The following SZT2 variants were observed in gnomAD, a reference collection of about 807,000 sequenced individuals.
SZT2 encodes the protein KICSTOR complex protein SZT2.
In SZT2, 216 loss-of-function variants were observed where a neutral mutation model predicts 404.2. That is an observed-to-expected ratio of 0.53 (90% CI 0.48 to 0.60). The LOEUF (loss-of-function observed/expected upper bound fraction) is 0.60, where lower values mean the gene tolerates loss of function less well. Ranked by LOEUF, SZT2 falls within the 20% of genes least tolerant of loss-of-function variation. The probability of loss-of-function intolerance (pLI) is 0.00; values close to 1 mark genes in which losing one functional copy is unlikely to be tolerated. For missense variants in SZT2, 3,857 were observed against 4,459.2 expected (o/e 0.86, Z 3.85); for synonymous variants, 1,693 against 1,749.9 (o/e 0.97, Z 0.81).
rs747180119 is a variant in SZT2, at chr1:43,427,811, C to T, written c.3803+77C>T. The T allele has an allele frequency of 6.3e-5, 96 of 1,519,326 alleles. No individual in the cohort carries two copies. In the African/African-American group the frequency reaches 1.1e-3, roughly 17 times the overall value. The allele number at this position is 1,519,326 out of a possible 1,614,324, so 94.1% of individuals were successfully genotyped here. On this transcript the variant is annotated intron_variant, in intron 26 of 71. Transcript: ENST00000634258. Reference sequence around the variant, plus strand: ...CAAGAAATAAGTACACACTAATAGGCGTGGGCAGGTAAGTTGCTGCCATAT... The same window carrying T: ...CAAGAAATAAGTACACACTAATAGGTGTGGGCAGGTAAGTTGCTGCCATAT...
intron 28 of SZT2, 189 bp from the exon 29 acceptor site, chr1:43,429,514 A>C (rs1392532036): frequency 3.2e-6 from 2 of 624,680 alleles, no homozygotes; most frequent in Non-Finnish European, 5.5e-6. Context: ...AAAAAAGAAA[A>C]AGAAATATGG....
chr1:43,402,016 C>T (rs1283599986), intron 1 of SZT2, among the ~76,000 whole-genome samples: 1 of 152,086 alleles, frequency 6.6e-6, no homozygotes, highest in Non-Finnish European at 1.5e-5. Flanking sequence ...ATTGGTTTTC[C>T]AGGGCTTTTT....
At chr1:43,398,808 G>A (rs374217882) in intron 1 of SZT2, among the ~76,000 whole-genome samples, 2 of 152,254 alleles carry the variant, frequency 1.3e-5, no homozygotes, top group South Asian at 2.1e-4. Context: ...TAGGTTGGGT[G>A]CGGTGGCTCA....
At chr1:43,415,642 T>C (rs986341943) in intron 5 of SZT2, among the ~76,000 whole-genome samples, 5 of 152,156 alleles carry the variant, frequency 3.3e-5, no homozygotes. Flanking sequence ...TGTAATTTGA[T>C]TGAGGTATAA....
chr1:43,443,113 G>A (rs1655254376), intron 59 of SZT2, 27 bp downstream of exon 59: 1 of 1,612,054 alleles, frequency 6.2e-7, no homozygotes, highest in African/African-American at 1.3e-5. Flanking sequence ...AGGCAGCAGG[G>A]ACAGGAAATC....
intron 28 of SZT2, 138 bp from the exon 29 acceptor site, chr1:43,429,565 T>A (rs1653602215): frequency 9.5e-7 from 1 of 1,052,476 alleles, no homozygotes; most frequent in Non-Finnish European, 1.4e-6. Flanking sequence ...TCTTTGCCTC[T>A]TTTACCACCC....
intron 4 of SZT2, among the ~76,000 whole-genome samples, chr1:43,411,276 T>C (rs1486506768): frequency 6.6e-6 from 1 of 152,200 alleles, no homozygotes; most frequent in African/African-American, 2.4e-5. Flanking sequence ...CTGGCACAGG[T>C]ATCCCCCATC....
Position 43,448,772 on chromosome 1 carries a change from A to C in SZT2, c.10086+44A>C. 1 of 1,565,560 alleles carries C rather than the reference A, an allele frequency of 6.4e-7. No homozygotes were observed. Among genetic ancestry groups the C allele is most frequent in the Non-Finnish European group, 8.8e-7 (1 of 1,136,472 alleles). On this transcript the variant is annotated intron_variant, in intron 70 of 71. Coordinates refer to ENST00000634258, the MANE Select transcript of SZT2 (RefSeq NM_001365999.1). The surrounding 1 kb of genome is among the most constrained non-coding windows in gnomAD (Gnocchi z 4.2). Reference sequence around the variant, plus strand: ...CCTCTGAAAAGGGAAACACAGCAGAAATCCTCACCAAACAGATGTGCCCCT... The same window carrying C: ...CCTCTGAAAAGGGAAACACAGCAGACATCCTCACCAAACAGATGTGCCCCT...
At chr1:43,422,357 G>T in intron 12 of SZT2, 123 bp from the exon 13 acceptor site, 1 of 1,486,810 alleles carries the variant, frequency 6.7e-7, no homozygotes, top group Non-Finnish European at 9.0e-7. Context: ...CCTTTTCCTT[G>T]CCTCCCTGCT....
intron 1 of SZT2, among the ~76,000 whole-genome samples, chr1:43,398,691 A>G (rs551785751): frequency 6.6e-6 from 1 of 152,336 alleles, no homozygotes; most frequent in East Asian, 1.9e-4. Context: ...TTCTGTTTTT[A>G]GGAGCATGGC....
At chr1:43,393,480 A>G (rs1360125332) in intron 1 of SZT2, among the ~76,000 whole-genome samples, 1 of 152,034 alleles carries the variant, frequency 6.6e-6, no homozygotes, top group African/African-American at 2.4e-5. Context: ...CTAACACTGG[A>G]ATACATGCTT....
intron 3 of SZT2, 111 bp downstream of exon 3, chr1:43,403,885 G>T: frequency 8.1e-7 from 1 of 1,240,172 alleles, no homozygotes. Context: ...TTGGAGAGAA[G>T]ACAGGCTTAT....
At position 43,450,590 on chromosome 1, in the gene SZT2, C is replaced by A. The variant is rs1389569148; in HGVS notation, c.*110C>A. ...CTTCTGGGCCCCAGGGCAAGCCAGA[C>A]ACTGAGTGACACCAAAGGCTTTGTA... On this transcript the variant is annotated 3_prime_UTR_variant, in exon 72 of 72. Coordinates refer to ENST00000634258, the MANE Select transcript of SZT2 (RefSeq NM_001365999.1). This position sits in a 1 kb window ranked among gnomAD's most constrained non-coding sequence, Gnocchi z 4.3. The A allele has an allele frequency of 5.5e-6, 8 of 1,452,790 alleles. No individual in the cohort carries two copies. The highest frequency in any genetic ancestry group is 7.5e-6 in the Non-Finnish European group (8 of 1,064,030). The allele number at this position is 1,452,790 out of a possible 1,614,324, so 90.0% of individuals were successfully genotyped here.
At chr1:43,390,850 G>A (rs752460817) in intron 1 of SZT2, among the ~76,000 whole-genome samples, 3 of 152,220 alleles carry the variant, frequency 2.0e-5, no homozygotes, top group Non-Finnish European at 4.4e-5. Context: ...CAGTAGGTGG[G>A]AAGGGTGAGA....
Position 43,432,818 on chromosome 1 carries a change from G to T in SZT2, c.5602+19G>T. 6.2e-7 allele frequency: 1 copy of T among 1,613,266 alleles called. No individual in the cohort carries two copies. The highest frequency in any genetic ancestry group is 1.1e-5 in the South Asian group (1 of 90,992). ...CACCTAGGTAAGCTGGGGGGACGGG[G>T]TGAAGGACTCTAAGCTGATGGGAGG... On this transcript the variant is annotated intron_variant, in intron 39 of 71. Coordinates refer to ENST00000634258, the MANE Select transcript of SZT2 (RefSeq NM_001365999.1).
intron 28 of SZT2, chr1:43,429,036 C>A (rs1653535366): frequency 1.3e-5 from 2 of 157,448 alleles, no homozygotes; most frequent in South Asian, 1.9e-4. Context: ...GATTGGAACT[C>A]CGGTCCGGTT....
Position 43,424,736 on chromosome 1 carries a change from C to T in SZT2, c.2472-48C>T, listed in dbSNP as rs939406878. ...TGGGGAGAGCTTGTAGTCTCAGTGT[C>T]TCTTCTTCCCTTATCCTGGCCTTGC... On this transcript the variant is annotated intron_variant, in intron 16 of 71. Coordinates refer to ENST00000634258, the MANE Select transcript of SZT2 (RefSeq NM_001365999.1). The surrounding 1 kb of genome is among the most constrained non-coding windows in gnomAD (Gnocchi z 4.1). 6.6e-7 allele frequency: 1 copy of T among 1,525,380 alleles called. No individual in the cohort carries two copies. The highest frequency in any genetic ancestry group is 9.1e-7 in the Non-Finnish European group (1 of 1,101,284). 94.5% of individuals were successfully genotyped at this position (1,525,380 alleles called of 1,614,324 possible). A position where few individuals can be genotyped will look rare whatever the true frequency, so the allele number is the denominator to read the frequency against.
chr1:43,436,880 G>A (rs1570693741), intron 42 of SZT2: 1 of 463,804 alleles, frequency 2.2e-6, no homozygotes, highest in South Asian at 3.0e-5. Flanking sequence ...GAATCTCTTG[G>A]CATGATCTTG....
At position 43,452,528 on chromosome 1, in the gene SZT2, C is replaced by T; in HGVS notation, c.*2048C>T. 1.5e-6 allele frequency: 1 copy of T among 664,434 alleles called. No homozygotes were observed. The highest frequency in any genetic ancestry group is 2.8e-6 in the Non-Finnish European group (1 of 360,632). The allele number at this position is 664,434 out of a possible 1,614,324, so 41.2% of individuals were successfully genotyped here. On this transcript the variant is annotated 3_prime_UTR_variant, in exon 72 of 72. Coordinates refer to ENST00000634258, the MANE Select transcript of SZT2 (RefSeq NM_001365999.1). ...TTTCCCAGACATCTCAGTGTCCACC[C>T]ACCGCCTCCTGCCTCCAGTACTTTC...
Sources: gnomAD v4.1 joint callset for allele counts (sites outside exome capture counted in the v4.1 genomes callset) on GRCh38, gnomAD v4.1.1 for gene constraint, Gnocchi (gnomAD v3.1) non-coding constraint, MANE v1.5 for transcripts, NCBI Gene and HGNC (gene_info 2026-07-23, HGNC 2026-07-21) for gene names.